MSR1: variants seen among roughly 807,000 people sequenced by gnomAD.
MSR1 encodes the protein macrophage scavenger receptor 1.
Under a neutral mutation model 47.2 loss-of-function variants are expected in MSR1, and 53 were observed. The ratio of observed to expected loss-of-function variants is 1.12; its 90% CI spans 0.90 to 1.41. The LOEUF (loss-of-function observed/expected upper bound fraction) is 1.41. Ranked by LOEUF, MSR1 falls within the 40% of genes most tolerant of loss-of-function variation. The pLI, the probability that MSR1 is intolerant of heterozygous loss-of-function variation, is 0.00. For missense variants in MSR1, 786 were observed against 546.9 expected (o/e 1.44, Z -4.36); for synonymous variants, 239 against 185.6 (o/e 1.29, Z -2.34).
Position 16,120,682 on chromosome 8 carries a change from CTT to C in MSR1, c.1034-78_1034-77del, listed in dbSNP as rs35356880. On this transcript the variant is annotated intron_variant, in intron 8 of 9. Transcript: ENST00000262101. ...ATTATGTACATACTGCTTTACAGCACTTTTTTTTTAAACACAAAAAAATGTTT... is the reference window on the plus strand; with the variant it reads ...ATTATGTACATACTGCTTTACAGCACTTTTTTTAAACACAAAAAAATGTTT... 21 of 1,391,276 alleles carry C rather than the reference CTT, an allele frequency of 1.5e-5. No individual in the cohort carries two copies. The African/African-American group carries it at 3.1e-4, about 20-fold the overall frequency. The allele number at this position is 1,391,276 out of a possible 1,614,324, so 86.2% of individuals were successfully genotyped here.
chr8:16,171,053 G>A (rs564536020), intron 3 of MSR1, among the ~76,000 whole-genome samples: 3 of 151,900 alleles, frequency 2.0e-5, no homozygotes, highest in East Asian at 1.9e-4. Context: ...GTGAAACCCC[G>A]TCTCTACTAA....
chr8:16,141,157 C>A (rs1325702484), intron 8 of MSR1: 2 of 1,183,616 alleles, frequency 1.7e-6, no homozygotes, highest in Non-Finnish European at 1.2e-6. Flanking sequence ...CACATACCAC[C>A]ATTAACTACA....
At chr8:16,154,915 T>A (rs1009228182) in intron 6 of MSR1, 149 bp downstream of exon 6, 10 of 672,242 alleles carry the variant, frequency 1.5e-5, no homozygotes, top group Non-Finnish European at 2.4e-5. Flanking sequence ...CACACACACA[T>A]ATACACACAT....
At chr8:16,146,022 G>A (rs1173159990) in intron 7 of MSR1, among the ~76,000 whole-genome samples, 2 of 152,128 alleles carry the variant, frequency 1.3e-5, no homozygotes, top group Admixed American at 1.3e-4. Flanking sequence ...AAGGATGTAA[G>A]AGGGGGTGTC....
chr8:16,134,694 T>C (rs1365430661), intron 8 of MSR1, among the ~76,000 whole-genome samples: 1 of 152,102 alleles, frequency 6.6e-6, no homozygotes, highest in African/African-American at 2.4e-5. Context: ...TAAACCTTAG[T>C]GAGAAAGGCG....
chr8:16,175,021 T>G (rs1801599065), intron 3 of MSR1, among the ~76,000 whole-genome samples, 166 bp downstream of exon 3: 1 of 152,228 alleles, frequency 6.6e-6, no homozygotes. Context: ...TCTACTTAAC[T>G]TTGCGGAATC....
chr8:16,182,218 T>G (rs1268080168), intron 1 of MSR1, among the ~76,000 whole-genome samples: 2 of 152,178 alleles, frequency 1.3e-5, no homozygotes, highest in Non-Finnish European at 2.9e-5. Context: ...AGTAAAAATA[T>G]GGTATAAAAG....
intron 8 of MSR1, among the ~76,000 whole-genome samples, chr8:16,133,276 T>A (rs1800307282): frequency 6.6e-6 from 1 of 152,188 alleles, no homozygotes; most frequent in Admixed American, 6.5e-5. Context: ...TTTAACTATA[T>A]CAATGTTGTA....
At chr8:16,138,540 A>T (rs1257680318) in intron 8 of MSR1, among the ~76,000 whole-genome samples, 4 of 152,160 alleles carry the variant, frequency 2.6e-5, no homozygotes, top group African/African-American at 9.7e-5. Flanking sequence ...AGTTTTTCAC[A>T]CTGAAAAATC....
chr8:16,150,769 C>T (rs1412880015), intron 6 of MSR1, among the ~76,000 whole-genome samples: 3 of 151,784 alleles, frequency 2.0e-5, no homozygotes, highest in African/African-American at 7.3e-5. Flanking sequence ...GGTGTCTTGG[C>T]TCTGAAATAT....
At chr8:16,151,208 T>G (rs66769254) in intron 6 of MSR1, among the ~76,000 whole-genome samples, 47,326 of 151,910 alleles carry the variant, frequency 0.31, 8,784 homozygotes, top group Non-Finnish European at 0.42. Context: ...AGGAGCATCT[T>G]GGGGCCATAA....
intron 8 of MSR1, among the ~76,000 whole-genome samples, chr8:16,129,978 A>C (rs559123934): frequency 6.6e-6 from 1 of 152,238 alleles, no homozygotes; most frequent in South Asian, 2.1e-4. Context: ...TATGGAGGAA[A>C]GGGAAGTGGA....
chr8:16,178,280 G>C (rs1801719992), intron 1 of MSR1, among the ~76,000 whole-genome samples: 1 of 108,184 alleles, frequency 9.2e-6, no homozygotes, highest in Non-Finnish European at 1.8e-5. Flanking sequence ...ACAGGCCCCA[G>C]TGTGTGACGT....
intron 4 of MSR1, among the ~76,000 whole-genome samples, chr8:16,167,172 T>G (rs1801336897): frequency 6.6e-6 from 1 of 152,156 alleles, no homozygotes; most frequent in Non-Finnish European, 1.5e-5. Flanking sequence ...AATTATCACT[T>G]CAAACAGGTT....
chr8:16,150,140 GTATATATATATATA>G lies in MSR1; in HGVS notation c.979+77_979+90del, dbSNP rs55913131. The G allele has an allele frequency of 1.1e-4, 19 of 178,344 alleles. 2 individuals carry two copies. In the East Asian group the frequency reaches 1.5e-3, roughly 14 times the overall value. 11.0% of individuals were successfully genotyped at this position (178,344 alleles called of 1,614,324 possible). Reference sequence around the variant, plus strand: ...TATGTGTGTGTGTATGTGTGTGTGTGTATATATATATATATATATATATATATATATAAAATTAT... The same window carrying G: ...TATGTGTGTGTGTATGTGTGTGTGTGTATATATATATATATATAAAATTAT... On this transcript the variant is annotated intron_variant, in intron 7 of 9. Coordinates refer to ENST00000262101, the MANE Select transcript of MSR1 (RefSeq NM_138715.3).
chr8:16,159,425 C>T (rs1250598050), intron 5 of MSR1, among the ~76,000 whole-genome samples: 1 of 151,934 alleles, frequency 6.6e-6, no homozygotes, highest in South Asian at 2.1e-4. Context: ...TTCTTTAAGG[C>T]TCTAATTATT....
rs1314665722 is a variant in MSR1, at chr8:16,136,212, A to G, written c.1033+7346T>C. 3.3e-5 allele frequency among the ~76,000 whole-genome samples: 5 copies of G among 152,172 alleles called. No individual in the cohort carries two copies. The East Asian group carries it at 9.6e-4, about 29-fold the overall frequency. On this transcript the variant is annotated intron_variant, in intron 8 of 9. Transcript: ENST00000262101. ...AGCAGAGAAATCTCTCATGAGGAGAAGACTCCATCAACGTGGCATATTTCA... is the reference window on the plus strand; with the variant it reads ...AGCAGAGAAATCTCTCATGAGGAGAGGACTCCATCAACGTGGCATATTTCA...
Position 16,134,949 on chromosome 8 carries a change from G to T in MSR1, c.1033+8609C>A, listed in dbSNP as rs186766015. Among the ~76,000 whole-genome samples the T allele has an allele frequency of 1.4e-3, 214 of 152,290 alleles. 2 individuals are homozygous for T. The highest frequency in any genetic ancestry group is 5.1e-3 in the African/African-American group (213 of 41,570). The stretch of plus-strand genomic sequence containing the variant: ...TCTACCTCTCTTCAATTCTATGGAG[G>T]CTGAGAAAGGTGAGGAAACTGCAGG... On this transcript the variant is annotated intron_variant, in intron 8 of 9. Transcript: ENST00000262101.
chr8:16,188,322 T>G (rs1206084939), intron 1 of MSR1, among the ~76,000 whole-genome samples: 2 of 152,064 alleles, frequency 1.3e-5, no homozygotes, highest in Admixed American at 6.6e-5. Context: ...TTCTGTCATC[T>G]CATCACCCTA....
Sources: allele counts gnomAD v4.1 joint callset (sites outside exome capture counted in the v4.1 genomes callset), GRCh38; gene constraint gnomAD v4.1.1; transcripts MANE v1.5; gene names NCBI Gene and HGNC (gene_info 2026-07-23, HGNC 2026-07-21).